Variants in ROR1 observed in about 807,000 individuals in gnomAD.
The protein encoded by ROR1 is ROR family WNT receptor 1.
Under a neutral mutation model 78.8 loss-of-function variants are expected in ROR1, and 19 were observed. That is an observed-to-expected ratio of 0.24 (90% confidence interval 0.17 to 0.35). The LOEUF (loss-of-function observed/expected upper bound fraction) is 0.35. ROR1 is among the 10% of genes least tolerant of loss of function. The probability of loss-of-function intolerance (pLI) is 1.00; values close to 1 mark genes in which losing one functional copy is unlikely to be tolerated. For missense variants in ROR1, 917 were observed against 1,177.8 expected (o/e 0.78, Z 3.24); for synonymous variants, 386 against 433.6 (o/e 0.89, Z 1.36).
chr1:64,052,413 C>T lies in ROR1; in HGVS notation c.482+1697C>T, dbSNP rs149409967. Among the ~76,000 whole-genome samples, 332 of 152,250 alleles carry T rather than the reference C, an allele frequency of 2.2e-3. 5 individuals are homozygous for T. Among genetic ancestry groups the T allele is most frequent in the Admixed American group, 0.019 (284 of 15,300 alleles). ...TTACTATTAAGTACTGTGTTGTTGA[C>T]TTTCAGCCTGTTGTATTTGCATTAG... On this transcript the variant is annotated intron_variant, in intron 4 of 8. Coordinates refer to ENST00000371079, the MANE Select transcript of ROR1 (RefSeq NM_005012.4).
rs545867072 is a variant in ROR1, at chr1:64,170,772, G to A, written c.1387-6656G>A. On this transcript the variant is annotated intron_variant, in intron 8 of 8. Transcript: ENST00000371079. ...GCTTTGCTGCTTAGAAATTTCTTCC[G>A]CCAAATACCCTAAATCATCTCTCTC... 1.6e-4 allele frequency among the ~76,000 whole-genome samples: 24 copies of A among 152,082 alleles called. No individual in the cohort carries two copies. In the South Asian group the frequency reaches 2.3e-3, roughly 14 times the overall value.
intron 1 of ROR1, among the ~76,000 whole-genome samples, chr1:64,004,730 A>G (rs1646414654): frequency 1.3e-5 from 2 of 152,198 alleles, no homozygotes; most frequent in South Asian, 4.1e-4. Context: ...TTCGGAGAGC[A>G]CAGGCTTTTA....
chr1:63,901,824 T>G (rs1645487339), intron 1 of ROR1, among the ~76,000 whole-genome samples: 1 of 152,120 alleles, frequency 6.6e-6, no homozygotes, highest in Non-Finnish European at 1.5e-5. Flanking sequence ...CTAGCTAGTG[T>G]ACAAACTAGA....
At chr1:63,919,770 T>C (rs868652096) in intron 1 of ROR1, among the ~76,000 whole-genome samples, 9 of 152,202 alleles carry the variant, frequency 5.9e-5, no homozygotes, top group Admixed American at 1.3e-4. Flanking sequence ...CTAAAGCATT[T>C]AGCACAGCTG....
intron 2 of ROR1, among the ~76,000 whole-genome samples, chr1:64,041,700 C>A (rs1342772439): frequency 6.6e-6 from 1 of 152,114 alleles, no homozygotes; most frequent in Non-Finnish European, 1.5e-5. Context: ...CTCTTTAAAC[C>A]CACTCTTACT....
intron 1 of ROR1, among the ~76,000 whole-genome samples, chr1:64,002,810 C>A (rs746626519): frequency 1.3e-5 from 2 of 152,144 alleles, no homozygotes; most frequent in African/African-American, 4.8e-5. Context: ...AAACATTGAT[C>A]GTTGAGGAGC....
chr1:64,031,754 G>A (rs1056535732), intron 2 of ROR1, among the ~76,000 whole-genome samples: 12 of 152,110 alleles, frequency 7.9e-5, no homozygotes, highest in African/African-American at 1.9e-4. Flanking sequence ...AAATGATCAC[G>A]TATTTCTGTC....
chr1:64,030,900 T>C (rs1295799003), intron 2 of ROR1, among the ~76,000 whole-genome samples: 1 of 152,146 alleles, frequency 6.6e-6, no homozygotes, highest in Non-Finnish European at 1.5e-5. Flanking sequence ...TACATATGTA[T>C]GTGTGTTTTG....
chr1:64,150,605 A>G (rs1649593983), intron 7 of ROR1, among the ~76,000 whole-genome samples: 1 of 152,252 alleles, frequency 6.6e-6, no homozygotes, highest in African/African-American at 2.4e-5. Context: ...TCAAAATAAA[A>G]TTGAACGTTA....
At chr1:63,929,703 T>C (rs2000154) in intron 1 of ROR1, among the ~76,000 whole-genome samples, 38 of 152,358 alleles carry the variant, frequency 2.5e-4, no homozygotes, top group Admixed American at 2.5e-3. Flanking sequence ...CAGTTCTTAT[T>C]CCTTCTCTGC....
chr1:63,853,633 C>T (rs541344251), intron 1 of ROR1, among the ~76,000 whole-genome samples: 1 of 152,268 alleles, frequency 6.6e-6, no homozygotes, highest in South Asian at 2.1e-4. Context: ...TTATGCTTTG[C>T]TCTTATATCT....
At chr1:64,001,339 G>T (rs1408965756) in intron 1 of ROR1, among the ~76,000 whole-genome samples, 1 of 152,222 alleles carries the variant, frequency 6.6e-6, no homozygotes, top group Non-Finnish European at 1.5e-5. Flanking sequence ...GTCAGGAATG[G>T]TTGGGAGGAG....
chr1:64,007,377 A>AGTGTGTGTGTGT (rs59753220), intron 1 of ROR1, among the ~76,000 whole-genome samples: 1,918 of 146,010 alleles, frequency 0.013, 29 homozygotes, highest in East Asian at 0.024. Flanking sequence ...TAATGTTCTG[A>AGTGTGTGTGTGT]GTGTGTGTGT....
chr1:63,860,604 C>T (rs28680835), intron 1 of ROR1, among the ~76,000 whole-genome samples: 11 of 146,984 alleles, frequency 7.5e-5, no homozygotes, highest in Non-Finnish European at 1.5e-4. Flanking sequence ...CACACACACA[C>T]ATACACACAC....
intron 1 of ROR1, among the ~76,000 whole-genome samples, chr1:63,895,926 G>C (rs855822): frequency 0.85 from 129,457 of 152,030 alleles, 56,148 homozygotes; most frequent in East Asian, 1. Context: ...GCATCTGTGA[G>C]ATTAGAACTA....
intron 4 of ROR1, among the ~76,000 whole-genome samples, chr1:64,057,791 T>C (rs528899608): frequency 1.2e-4 from 19 of 152,334 alleles, no homozygotes; most frequent in Non-Finnish European, 2.2e-4. Flanking sequence ...TATTGTTCTT[T>C]TTCAAGACTT....
intron 1 of ROR1, among the ~76,000 whole-genome samples, chr1:63,989,053 G>A (rs1646273594): frequency 6.6e-6 from 1 of 151,490 alleles, no homozygotes; most frequent in South Asian, 2.1e-4. Flanking sequence ...TTAATTTTTT[G>A]TGGAACTGCC....
At chr1:64,042,598 C>T (rs976004723) in intron 2 of ROR1, among the ~76,000 whole-genome samples, 1 of 152,166 alleles carries the variant, frequency 6.6e-6, no homozygotes, top group African/African-American at 2.4e-5. Flanking sequence ...GGTTACCCAC[C>T]TCCTGCTTTT....
At chr1:64,050,006 T>A (rs1190439723) in intron 3 of ROR1, 28 bp downstream of exon 3, 1 of 1,611,198 alleles carries the variant, frequency 6.2e-7, no homozygotes, top group Admixed American at 1.7e-5. Flanking sequence ...GGGGATGGAC[T>A]TTGGCCCTCA....
Sources: allele counts gnomAD v4.1 joint callset (sites outside exome capture counted in the v4.1 genomes callset), GRCh38; gene constraint gnomAD v4.1.1; transcripts MANE v1.5; gene names NCBI Gene and HGNC (gene_info 2026-07-23, HGNC 2026-07-21).